The following ADARB2 variants were observed in gnomAD, a reference collection of about 807,000 sequenced individuals.
The protein encoded by ADARB2 is inactive double-stranded RNA-specific editase B2.
In ADARB2, 25 loss-of-function variants were observed where a neutral mutation model predicts 62.2. That is an observed-to-expected ratio of 0.40 (90% CI 0.29 to 0.56). The LOEUF is 0.56. Ranked by LOEUF, ADARB2 falls within the 20% of genes least tolerant of loss-of-function variation. The pLI, the probability that ADARB2 is intolerant of heterozygous loss-of-function variation, is 0.43. For synonymous variants in ADARB2, 572 were observed against 500.8 expected (o/e 1.14, Z -1.90); for missense variants, 1,071 against 1,077.4 (o/e 0.99, Z 0.08).
chr10:1,519,968 A>G lies in ADARB2; in HGVS notation c.101-140808T>C, dbSNP rs150486036. Reference sequence around the variant, plus strand: ...TCAGAAGCTCACACACCCTGGGCAAATCCTTTCCTCTAGAATGAGTCCCTT... The same window carrying G: ...TCAGAAGCTCACACACCCTGGGCAAGTCCTTTCCTCTAGAATGAGTCCCTT... On this transcript the variant is annotated intron_variant, in intron 1 of 9. Transcript: ENST00000381312. 3.3e-5 allele frequency among the ~76,000 whole-genome samples: 5 copies of G among 152,288 alleles called. No homozygotes were observed. In the East Asian group the frequency reaches 9.6e-4, roughly 29 times the overall value.
At chr10:1,636,998 AAC>A (rs1283948622) in intron 1 of ADARB2, among the ~76,000 whole-genome samples, 18 of 151,824 alleles carry the variant, frequency 1.2e-4, no homozygotes, top group African/African-American at 4.1e-4. Flanking sequence ...CACTTACAAT[AAC>A]AGTCTTTCTT....
chr10:1,412,330 C>T (rs1212818509), intron 1 of ADARB2, among the ~76,000 whole-genome samples: 2 of 151,942 alleles, frequency 1.3e-5, no homozygotes, highest in Non-Finnish European at 2.9e-5. Context: ...ACTGTATCGC[C>T]TTGAAGTCTT....
intron 6 of ADARB2, among the ~76,000 whole-genome samples, chr10:1,221,022 T>C (rs1830691280): frequency 6.6e-6 from 1 of 152,212 alleles, no homozygotes; most frequent in Admixed American, 6.5e-5. Context: ...CCAGGGTGGC[T>C]TGAATGTCGG....
intron 1 of ADARB2, among the ~76,000 whole-genome samples, chr10:1,568,678 G>C (rs1028332832): frequency 1.1e-4 from 17 of 152,290 alleles, no homozygotes; most frequent in Non-Finnish European, 1.3e-4. Flanking sequence ...TGTTTCCTAA[G>C]GAGTTTGGAG....
Position 1,674,118 on chromosome 10 carries a change from G to A in ADARB2, c.100+62933C>T, listed in dbSNP as rs548706141. On this transcript the variant is annotated intron_variant, in intron 1 of 9. Transcript: ENST00000381312. ...GGCTGCAAGGAGGCCACTGGGAACGGCCCCGTCGGCCGGGGGCCCAGGAAT... is the reference window on the plus strand; with the variant it reads ...GGCTGCAAGGAGGCCACTGGGAACGACCCCGTCGGCCGGGGGCCCAGGAAT... 7.5e-4 allele frequency among the ~76,000 whole-genome samples: 115 copies of A among 152,378 alleles called. 2 individuals carry two copies. In the South Asian group the frequency reaches 0.022, roughly 30 times the overall value.
chr10:1,402,001 AAC>A (rs1470785157), intron 1 of ADARB2, among the ~76,000 whole-genome samples: 2 of 152,164 alleles, frequency 1.3e-5, no homozygotes, highest in Non-Finnish European at 2.9e-5. Flanking sequence ...AAATGGAGTA[AAC>A]ACACAGCCTC....
intron 1 of ADARB2, among the ~76,000 whole-genome samples, chr10:1,682,912 A>G (rs547142642): frequency 1.3e-5 from 2 of 152,372 alleles, no homozygotes; most frequent in South Asian, 2.1e-4. Flanking sequence ...CGCAAAGCCC[A>G]TGAGGCCAAC....
chr10:1,543,414 A>T (rs1464350757), intron 1 of ADARB2, among the ~76,000 whole-genome samples: 1 of 152,220 alleles, frequency 6.6e-6, no homozygotes, highest in Non-Finnish European at 1.5e-5. Context: ...CAAGCCTGTT[A>T]TTCAGTATTC....
In ADARB2 at chr10:1,659,482, G is replaced by A. The variant is rs545684828; in HGVS notation, c.100+77569C>T. 3.3e-5 allele frequency among the ~76,000 whole-genome samples: 5 copies of A among 152,250 alleles called. No individual in the cohort carries two copies. In the South Asian group the frequency reaches 6.2e-4, roughly 19 times the overall value. The stretch of plus-strand genomic sequence containing the variant: ...GAAACACGATTCAGACAGTGGGAGC[G>A]GGGTGATCCCTCTTCCCTGGAAGGA... On this transcript the variant is annotated intron_variant, in intron 1 of 9. Transcript: ENST00000381312.
chr10:1,436,633 A>G (rs939376058), intron 1 of ADARB2, among the ~76,000 whole-genome samples: 7 of 152,240 alleles, frequency 4.6e-5, no homozygotes, highest in Non-Finnish European at 1.0e-4. Context: ...AGAGAACATT[A>G]AAAGATGTTA....
intron 3 of ADARB2, among the ~76,000 whole-genome samples, chr10:1,347,988 A>G (rs1832096533): frequency 6.6e-6 from 1 of 151,902 alleles, no homozygotes; most frequent in Non-Finnish European, 1.5e-5. Flanking sequence ...ACAGAGAGAT[A>G]CTGAGAGAGA....
chr10:1,565,532 G>A (rs956778493), intron 1 of ADARB2, among the ~76,000 whole-genome samples: 1 of 152,174 alleles, frequency 6.6e-6, no homozygotes, highest in African/African-American at 2.4e-5. Flanking sequence ...AGCAGGGAAA[G>A]GGGCCAATCT....
At chr10:1,571,791 T>TGGTGAGGGGACA (rs1832939165) in intron 1 of ADARB2, among the ~76,000 whole-genome samples, 2 of 66,798 alleles carry the variant, frequency 3.0e-5, no homozygotes, top group African/African-American at 1.9e-4. Flanking sequence ...GGTGATATGC[T>TGGTGAGGGGACA]GGTGAGTGGA....
At chr10:1,692,706 TACAA>T (rs988870255) in intron 1 of ADARB2, among the ~76,000 whole-genome samples, 21 of 152,224 alleles carry the variant, frequency 1.4e-4, no homozygotes, top group Non-Finnish European at 2.2e-4. Flanking sequence ...CCTGAAGGGC[TACAA>T]ACATTTTTTT....
At chr10:1,361,421 TTG>T (rs1207645501) in intron 3 of ADARB2, 2 of 152,182 alleles carry the variant, frequency 1.3e-5, no homozygotes, top group African/African-American at 4.8e-5. Flanking sequence ...TTTACTTACA[TTG>T]TGTTTTTATT....
At chr10:1,233,453 C>T (rs1334805662) in intron 6 of ADARB2, among the ~76,000 whole-genome samples, 1 of 152,188 alleles carries the variant, frequency 6.6e-6, no homozygotes, top group African/African-American at 2.4e-5. Context: ...AAGCAGAGAA[C>T]TATGGCAATT....
At chr10:1,487,060 C>G (rs1831552624) in intron 1 of ADARB2, among the ~76,000 whole-genome samples, 1 of 152,240 alleles carries the variant, frequency 6.6e-6, no homozygotes, top group African/African-American at 2.4e-5. Flanking sequence ...GCCCTGGGCC[C>G]CACCAGAGAG....
chr10:1,659,809 A>G (rs1278113617), intron 1 of ADARB2, among the ~76,000 whole-genome samples: 3 of 147,568 alleles, frequency 2.0e-5, no homozygotes, highest in East Asian at 2.1e-4. Flanking sequence ...CTCTTCCTCC[A>G]TTGCCTGCCC....
At chr10:1,631,434 C>G (rs1240715089) in intron 1 of ADARB2, among the ~76,000 whole-genome samples, 1 of 152,206 alleles carries the variant, frequency 6.6e-6, no homozygotes, top group Admixed American at 6.5e-5. Flanking sequence ...TCAGGGCCAG[C>G]TGGTGTCATG....
Sources: gnomAD v4.1 joint callset for allele counts (sites outside exome capture counted in the v4.1 genomes callset) on GRCh38, gnomAD v4.1.1 for gene constraint, MANE v1.5 for transcripts, NCBI Gene and HGNC (gene_info 2026-07-23, HGNC 2026-07-21) for gene names.